ADK: variants seen among roughly 807,000 people sequenced by gnomAD.
ADK encodes adenosine kinase.
Under a neutral mutation model 44.7 loss-of-function variants are expected in ADK, and 24 were observed. That is an observed-to-expected ratio of 0.54 (90% CI 0.39 to 0.76). The LOEUF (loss-of-function observed/expected upper bound fraction) is 0.76, where lower values mean the gene tolerates loss of function less well. Ranked by LOEUF, ADK falls within the 30% of genes least tolerant of loss-of-function variation. The probability of loss-of-function intolerance (pLI) is 0.00; values close to 1 mark genes in which losing one functional copy is unlikely to be tolerated. For synonymous variants in ADK, 128 were observed against 142.6 expected, an observed-to-expected ratio of 0.90 and a Z score of 0.73; for missense variants, 321 against 425.1, an observed-to-expected ratio of 0.76 and a Z score of 2.15.
chr10:74,349,522 C>T (rs749674165), intron 4 of ADK, among the ~76,000 whole-genome samples: 1 of 152,104 alleles, frequency 6.6e-6, no homozygotes, highest in Non-Finnish European at 1.5e-5. Flanking sequence ...TGTAAAATAA[C>T]CTGCTAACAT....
intron 3 of ADK, among the ~76,000 whole-genome samples, chr10:74,295,633 T>A (rs1839784884): frequency 6.6e-6 from 1 of 152,152 alleles, no homozygotes; most frequent in East Asian, 1.9e-4. Context: ...CCTCCCTTTT[T>A]TTAGTTTTCA....
intron 1 of ADK, among the ~76,000 whole-genome samples, chr10:74,182,136 G>T (rs1336347301): frequency 2.6e-5 from 4 of 152,096 alleles, no homozygotes; most frequent in Non-Finnish European, 5.9e-5. Context: ...CTAAAATCTG[G>T]CTAAGATTGA....
intron 9 of ADK, among the ~76,000 whole-genome samples, chr10:74,639,029 G>C (rs1328502789): frequency 6.6e-6 from 1 of 152,058 alleles, no homozygotes; most frequent in South Asian, 2.1e-4. Context: ...GGCTGGTCTT[G>C]AACTACTGGA....
chr10:74,381,846 C>T (rs919308721), intron 4 of ADK, among the ~76,000 whole-genome samples: 1 of 152,142 alleles, frequency 6.6e-6, no homozygotes, highest in African/African-American at 2.4e-5. Context: ...CTTTGCCTTA[C>T]GTTTTTGATG....
At chr10:74,570,565 T>G (rs1327002234) in intron 7 of ADK, among the ~76,000 whole-genome samples, 5 of 152,144 alleles carry the variant, frequency 3.3e-5, no homozygotes, top group East Asian at 3.9e-4. Flanking sequence ...GTGAATGGGA[T>G]TTCACTCATG....
chr10:74,585,569 G>A (rs562920656), intron 7 of ADK, among the ~76,000 whole-genome samples: 1 of 152,140 alleles, frequency 6.6e-6, no homozygotes, highest in Non-Finnish European at 1.5e-5. Context: ...TGAAAGTGCT[G>A]TACTCTCAGG....
At chr10:74,244,970 G>A (rs1435640534) in intron 3 of ADK, among the ~76,000 whole-genome samples, 7 of 152,172 alleles carry the variant, frequency 4.6e-5, no homozygotes, top group African/African-American at 1.7e-4. Flanking sequence ...GGATTTTAAT[G>A]TAGTCTTTTT....
intron 1 of ADK, among the ~76,000 whole-genome samples, chr10:74,159,656 G>A (rs1330672289): frequency 6.6e-6 from 1 of 151,756 alleles, no homozygotes; most frequent in African/African-American, 2.4e-5. Context: ...GCGGTGGCAC[G>A]ATCTCAGCTC....
intron 9 of ADK, among the ~76,000 whole-genome samples, chr10:74,602,682 G>C (rs183030040): frequency 8.5e-5 from 13 of 152,248 alleles, no homozygotes. Flanking sequence ...TTAAATCAAA[G>C]GATGCACTAT....
chr10:74,441,732 A>C (rs1057331096), intron 6 of ADK, among the ~76,000 whole-genome samples: 2 of 152,158 alleles, frequency 1.3e-5, no homozygotes, highest in African/African-American at 4.8e-5. Flanking sequence ...TCAAACCAAA[A>C]AGTTTCTGCA....
intron 7 of ADK, among the ~76,000 whole-genome samples, chr10:74,539,127 C>G (rs915894887): frequency 6.6e-6 from 1 of 152,112 alleles, no homozygotes; most frequent in East Asian, 1.9e-4. Context: ...TCTGTCAAGT[C>G]CCTATACACA....
At chr10:74,251,245 C>T (rs1845640183) in intron 3 of ADK, among the ~76,000 whole-genome samples, 1 of 152,102 alleles carries the variant, frequency 6.6e-6, no homozygotes, top group Non-Finnish European at 1.5e-5. Flanking sequence ...ATGTTGGAGG[C>T]ATTTAAATTC....
At chr10:74,483,508 G>A (rs1274639522) in intron 6 of ADK, among the ~76,000 whole-genome samples, 1 of 152,138 alleles carries the variant, frequency 6.6e-6, no homozygotes, top group African/African-American at 2.4e-5. Flanking sequence ...AATTTCTACA[G>A]CCAACTTAAA....
chr10:74,275,978 T>A (rs770808988), intron 3 of ADK, among the ~76,000 whole-genome samples: 1 of 152,152 alleles, frequency 6.6e-6, no homozygotes, highest in Non-Finnish European at 1.5e-5. Flanking sequence ...TTATAGACCT[T>A]GAGTTTCAAC....
chr10:74,159,792 A>T (rs1269585827), intron 1 of ADK, among the ~76,000 whole-genome samples: 1 of 152,012 alleles, frequency 6.6e-6, no homozygotes, highest in African/African-American at 2.4e-5. Flanking sequence ...AGGGTTTCAC[A>T]ATGTTGGCCA....
At chr10:74,669,035 C>CT (rs1243494889) in intron 9 of ADK, among the ~76,000 whole-genome samples, 3 of 147,556 alleles carry the variant, frequency 2.0e-5, no homozygotes, top group African/African-American at 7.5e-5. Flanking sequence ...AGAGCAAGAC[C>CT]TAAAAAAAAA....
intron 3 of ADK, among the ~76,000 whole-genome samples, chr10:74,285,144 A>G (rs1847109795): frequency 6.6e-6 from 1 of 152,220 alleles, no homozygotes; most frequent in Admixed American, 6.5e-5. Flanking sequence ...TCATTAGGCA[A>G]GTGATAAGCT....
chr10:74,518,659 C>G (rs1848692368), intron 6 of ADK, among the ~76,000 whole-genome samples: 1 of 152,152 alleles, frequency 6.6e-6, no homozygotes, highest in Non-Finnish European at 1.5e-5. Context: ...AGTTAGATGG[C>G]TCTCCTGATA....
intron 6 of ADK, among the ~76,000 whole-genome samples, chr10:74,464,229 T>C (rs965225659): frequency 6.6e-6 from 1 of 152,114 alleles, no homozygotes; most frequent in Non-Finnish European, 1.5e-5. Context: ...TGTAAGGATA[T>C]CATGTGAGTG....
Sources: gnomAD v4.1 joint callset for allele counts (sites outside exome capture counted in the v4.1 genomes callset) on GRCh38, gnomAD v4.1.1 for gene constraint, MANE v1.5 for transcripts, NCBI Gene and HGNC (gene_info 2026-07-23, HGNC 2026-07-21) for gene names.